The following NRXN3 variants were observed in gnomAD, a reference collection of about 807,000 sequenced individuals.
NRXN3 encodes neurexin 3.
Under a neutral mutation model 137.6 loss-of-function variants are expected in NRXN3, and 32 were observed. That is an observed-to-expected ratio of 0.23 (90% CI 0.18 to 0.31). The LOEUF is 0.31. Ranked by LOEUF, NRXN3 falls within the 10% of genes least tolerant of loss-of-function variation. NRXN3 has a pLI of 1.00. For missense variants in NRXN3, 1,574 were observed against 2,062.5 expected (o/e 0.76, Z 4.59); for synonymous variants, 798 against 784.5 (o/e 1.02, Z -0.29).
intron 4 of NRXN3, among the ~76,000 whole-genome samples, chr14:78,632,582 A>G (rs2097531733): frequency 6.6e-6 from 1 of 152,178 alleles, no homozygotes; most frequent in Admixed American, 6.5e-5. Context: ...AACTGGAAAT[A>G]TTAGAAGGAT....
At chr14:78,612,584 A>G (rs776765841) in intron 4 of NRXN3, among the ~76,000 whole-genome samples, 2 of 152,188 alleles carry the variant, frequency 1.3e-5, no homozygotes, top group Non-Finnish European at 2.9e-5. Context: ...GTTTCAACCC[A>G]CTGATGTTGA....
intron 3 of NRXN3, among the ~76,000 whole-genome samples, chr14:78,292,916 G>A (rs2075950948): frequency 6.6e-6 from 1 of 152,136 alleles, no homozygotes; most frequent in South Asian, 2.1e-4. Context: ...TGATGGGCAT[G>A]CATTTTGACC....
chr14:78,604,781 C>T (rs1206065221), intron 4 of NRXN3, among the ~76,000 whole-genome samples: 1 of 152,140 alleles, frequency 6.6e-6, no homozygotes, highest in Non-Finnish European at 1.5e-5. Context: ...ACCTTTTACC[C>T]TCTAGGCTGT....
intron 15 of NRXN3, among the ~76,000 whole-genome samples, chr14:79,159,713 T>C (rs952213712): frequency 6.6e-5 from 10 of 151,830 alleles, no homozygotes; most frequent in African/African-American, 2.4e-4. Flanking sequence ...TCACCATAAA[T>C]TTCATGTCTG....
At chr14:79,189,882 T>A (rs897165093) in intron 15 of NRXN3, among the ~76,000 whole-genome samples, 1 of 152,210 alleles carries the variant, frequency 6.6e-6, no homozygotes, top group South Asian at 2.1e-4. Flanking sequence ...GATTTGTGTG[T>A]CTATCCAAAT....
chr14:79,446,593 T>C lies in NRXN3; in HGVS notation c.3263-20628T>C, dbSNP rs1228681343. 2.0e-5 allele frequency among the ~76,000 whole-genome samples: 3 copies of C among 152,116 alleles called. No homozygotes were observed. In the East Asian group the frequency reaches 5.8e-4, roughly 29 times the overall value. On this transcript the variant is annotated intron_variant, in intron 15 of 20. Transcript: ENST00000335750. ...TAGCAGAAGAATTATTTTACAGTTCTTATAAGGTACCTACTAATCCTCCCT... is the reference window on the plus strand; with the variant it reads ...TAGCAGAAGAATTATTTTACAGTTCCTATAAGGTACCTACTAATCCTCCCT...
chr14:79,438,025 C>T (rs1213713508), intron 15 of NRXN3, among the ~76,000 whole-genome samples: 1 of 152,182 alleles, frequency 6.6e-6, no homozygotes, highest in Non-Finnish European at 1.5e-5. Flanking sequence ...GCTTCTCTTG[C>T]AATAGCCAGC....
At position 78,953,267 on chromosome 14, in the gene NRXN3, C is replaced by A. The variant is rs75152751; in HGVS notation, c.2276-3975C>A. ...TAGCTGAGTGTCATCTTCCTCCAAG[C>A]AATCAGCAATGCATTATTTCCTAAT... On this transcript the variant is annotated intron_variant, in intron 10 of 20. Coordinates refer to ENST00000335750, the MANE Select transcript of NRXN3 (RefSeq NM_001330195.2). Among the ~76,000 whole-genome samples the A allele has an allele frequency of 2.1e-3, 327 of 152,274 alleles. 3 individuals carry two copies. The highest frequency in any genetic ancestry group is 7.3e-3 in the African/African-American group (303 of 41,566).
intron 16 of NRXN3, among the ~76,000 whole-genome samples, chr14:79,598,506 A>G (rs886682491): frequency 2.0e-5 from 3 of 152,210 alleles, no homozygotes; most frequent in Admixed American, 1.3e-4. Flanking sequence ...TACTCTGCTC[A>G]TCAGGGATCC....
At chr14:78,750,164 A>G (rs1386516283) in intron 8 of NRXN3, among the ~76,000 whole-genome samples, 1 of 152,236 alleles carries the variant, frequency 6.6e-6, no homozygotes, top group Non-Finnish European at 1.5e-5. Flanking sequence ...ATCCAGCCTC[A>G]CACACTGCCT....
In NRXN3 at chr14:79,267,514, C is replaced by T. The variant is rs371483656; in HGVS notation, c.3263-199707C>T. Among the ~76,000 whole-genome samples the T allele has an allele frequency of 4.8e-4, 73 of 152,210 alleles. 1 individual carries two copies. Among genetic ancestry groups the T allele is most frequent in the African/African-American group, 1.7e-3 (69 of 41,528 alleles). On this transcript the variant is annotated intron_variant, in intron 15 of 20. Coordinates refer to ENST00000335750, the MANE Select transcript of NRXN3 (RefSeq NM_001330195.2). ...CTGGGATTACAAGCATGCACCACCA[C>T]ACCCAGCTAAGTTTTGTATTTTTAG...
At chr14:79,234,685 A>G (rs2073070287) in intron 15 of NRXN3, among the ~76,000 whole-genome samples, 2 of 151,918 alleles carry the variant, frequency 1.3e-5, no homozygotes, top group Admixed American at 6.6e-5. Flanking sequence ...GCTTTTTAAT[A>G]CTGCTCCCTC....
At chr14:79,604,146 C>G (rs1381635276) in intron 16 of NRXN3, among the ~76,000 whole-genome samples, 1 of 151,866 alleles carries the variant, frequency 6.6e-6, no homozygotes, top group East Asian at 2.0e-4. Flanking sequence ...CCGCCTCGGC[C>G]TCCCAAGGTG....
chr14:79,292,188 T>G (rs1013362050), intron 15 of NRXN3, among the ~76,000 whole-genome samples: 1 of 152,168 alleles, frequency 6.6e-6, no homozygotes, highest in Non-Finnish European at 1.5e-5. Flanking sequence ...ATTCACAAAT[T>G]CTATTACATT....
chr14:79,047,500 A>G (rs1446353881), intron 15 of NRXN3, among the ~76,000 whole-genome samples: 6 of 152,180 alleles, frequency 3.9e-5, no homozygotes, highest in Non-Finnish European at 7.4e-5. Flanking sequence ...TAAAGGGTAA[A>G]TTTTAAAATT....
intron 6 of NRXN3, among the ~76,000 whole-genome samples, chr14:78,656,590 G>A (rs2097786230): frequency 6.6e-6 from 1 of 152,152 alleles, no homozygotes; most frequent in Non-Finnish European, 1.5e-5. Context: ...TTGTTCTCTA[G>A]GTAACGGGGG....
intron 16 of NRXN3, among the ~76,000 whole-genome samples, chr14:79,531,896 A>G (rs1007351379): frequency 6.6e-6 from 1 of 152,216 alleles, no homozygotes; most frequent in African/African-American, 2.4e-5. Flanking sequence ...TGATCTAAAA[A>G]TTGAGAGTAC....
chr14:78,782,569 C>T (rs2098773765), intron 8 of NRXN3, among the ~76,000 whole-genome samples: 1 of 152,182 alleles, frequency 6.6e-6, no homozygotes, highest in Non-Finnish European at 1.5e-5. Context: ...CACAGCCTTG[C>T]TATGCCTAAT....
At chr14:79,530,474 C>CCG (rs1213455203) in intron 16 of NRXN3, among the ~76,000 whole-genome samples, 1 of 151,978 alleles carries the variant, frequency 6.6e-6, no homozygotes, top group Non-Finnish European at 1.5e-5. Flanking sequence ...AGATGCCCCC[C>CCG]GGACAAAGAT....
Sources: allele counts gnomAD v4.1 joint callset (sites outside exome capture counted in the v4.1 genomes callset), GRCh38; gene constraint gnomAD v4.1.1; transcripts MANE v1.5; gene names NCBI Gene and HGNC (gene_info 2026-07-23, HGNC 2026-07-21).